Variants in ROBO2 observed in about 807,000 individuals in gnomAD.
ROBO2 encodes the protein roundabout guidance receptor 2.
ROBO2 carries 53 observed loss-of-function variants against 160.8 expected under a neutral mutation model. That is an observed-to-expected ratio of 0.33 (90% CI 0.26 to 0.41). The LOEUF (loss-of-function observed/expected upper bound fraction) is 0.41. Ranked by LOEUF, ROBO2 falls within the 10% of genes least tolerant of loss-of-function variation. The pLI, the probability that ROBO2 is intolerant of heterozygous loss-of-function variation, is 1.00. For synonymous variants in ROBO2, 664 were observed against 611.7 expected, an observed-to-expected ratio of 1.09 and a Z score of -1.26; for missense variants, 1,577 against 1,722.4, an observed-to-expected ratio of 0.92 and a Z score of 1.49.
chr3:75,922,132 T>C (rs530433847), intron 1 of ROBO2, among the ~76,000 whole-genome samples: 1 of 152,256 alleles, frequency 6.6e-6, no homozygotes, highest in South Asian at 2.1e-4. Flanking sequence ...ATGATAAAGA[T>C]AGTGTTTCAA....
chr3:77,609,408 A>C (rs1489787691), intron 21 of ROBO2, among the ~76,000 whole-genome samples: 1 of 152,124 alleles, frequency 6.6e-6, no homozygotes, highest in Non-Finnish European at 1.5e-5. Flanking sequence ...AGAAACCTGC[A>C]TTTTAAAAGC....
intron 2 of ROBO2, among the ~76,000 whole-genome samples, chr3:76,533,809 C>T (rs1384190599): frequency 6.6e-6 from 1 of 152,078 alleles, no homozygotes; most frequent in African/African-American, 2.4e-5. Flanking sequence ...CCATGAGACT[C>T]ACTGTCCAGG....
At chr3:77,235,118 T>G (rs1425761499) in intron 2 of ROBO2, among the ~76,000 whole-genome samples, 1 of 152,198 alleles carries the variant, frequency 6.6e-6, no homozygotes, top group Non-Finnish European at 1.5e-5. Context: ...GAAAAACAAT[T>G]ACTTTTTATT....
chr3:77,612,313 A>G (rs2094662007), intron 21 of ROBO2, among the ~76,000 whole-genome samples: 1 of 152,204 alleles, frequency 6.6e-6, no homozygotes, highest in African/African-American at 2.4e-5. Context: ...CACTTCATAA[A>G]ATTTGTAGAG....
At position 76,428,178 on chromosome 3, in the gene ROBO2, A is replaced by G. The variant is rs192554877; in HGVS notation, c.109+490576A>G. 1.1e-3 allele frequency among the ~76,000 whole-genome samples: 162 copies of G among 152,254 alleles called. 2 individuals carry two copies. The highest frequency in any genetic ancestry group is 9.7e-3 in the Admixed American group (149 of 15,288). On this transcript the variant is annotated intron_variant, in intron 2 of 26. Transcript: ENST00000487694. ...AAATATAGAAGACCTCATAAGTTCC[A>G]TCTGCCCACATACCTGATTTCGAGT...
chr3:76,637,793 A>G (rs2090422234), intron 2 of ROBO2, among the ~76,000 whole-genome samples: 1 of 152,202 alleles, frequency 6.6e-6, no homozygotes, highest in Admixed American at 6.6e-5. Context: ...CTAATCTAGG[A>G]AAGTCTAAGC....
chr3:77,437,163 C>T (rs2079379811), intron 2 of ROBO2, among the ~76,000 whole-genome samples: 1 of 152,012 alleles, frequency 6.6e-6, no homozygotes, highest in African/African-American at 2.4e-5. Context: ...AGTGGAACCA[C>T]CCTGTGGCAA....
chr3:77,410,653 CCT>C (rs2076681914), intron 2 of ROBO2, among the ~76,000 whole-genome samples: 1 of 110,808 alleles, frequency 9.0e-6, no homozygotes, highest in Non-Finnish European at 1.9e-5. Context: ...TCTTTCTCCT[CCT>C]CTTCTTCCTC....
At chr3:77,356,837 A>G (rs1397656891) in intron 2 of ROBO2, among the ~76,000 whole-genome samples, 1 of 152,156 alleles carries the variant, frequency 6.6e-6, no homozygotes, top group East Asian at 1.9e-4. Flanking sequence ...GATCTAGATG[A>G]TTGAAATATG....
At chr3:76,006,147 A>T (rs2066014319) in intron 2 of ROBO2, among the ~76,000 whole-genome samples, 1 of 152,104 alleles carries the variant, frequency 6.6e-6, no homozygotes, top group Admixed American at 6.6e-5. Flanking sequence ...TTTTGAGAGT[A>T]CTATGTTTTC....
rs766728962 is a variant in ROBO2 at position 75,996,124 on chromosome 3, T to C, written c.109+58522T>C. ...ACTTCAGGGGACTGTTGAGAAGGCATGGTTTGTTTTGAAATGTGAGGACAT... is the reference window on the plus strand; with the variant it reads ...ACTTCAGGGGACTGTTGAGAAGGCACGGTTTGTTTTGAAATGTGAGGACAT... On this transcript the variant is annotated intron_variant, in intron 2 of 26. Coordinates refer to the ROBO2 transcript ENST00000487694. Among the ~76,000 whole-genome samples, 38 of 152,246 alleles carry C rather than the reference T, an allele frequency of 2.5e-4. No homozygotes were observed. In the Middle Eastern group the frequency reaches 0.031, roughly 123 times the overall value.
intron 2 of ROBO2, among the ~76,000 whole-genome samples, chr3:77,269,715 T>C (rs2059366257): frequency 6.6e-6 from 1 of 152,182 alleles, no homozygotes; most frequent in African/African-American, 2.4e-5. Context: ...GAGGGACATC[T>C]ATAATATATG....
intron 2 of ROBO2, among the ~76,000 whole-genome samples, chr3:76,871,162 C>T (rs2072008410): frequency 6.6e-6 from 1 of 152,224 alleles, no homozygotes; most frequent in Non-Finnish European, 1.5e-5. Context: ...TTCGTCATCA[C>T]TCACTATTTC....
At chr3:77,263,812 G>C (rs1443958234) in intron 2 of ROBO2, among the ~76,000 whole-genome samples, 1 of 152,042 alleles carries the variant, frequency 6.6e-6, no homozygotes, top group African/African-American at 2.4e-5. Context: ...TTTAAAGTTA[G>C]AATTTCTTAA....
exon 1 of ROBO2, chr3:77,040,543 C>T: frequency 7.9e-6 from 11 of 1,391,296 alleles, no homozygotes; most frequent in Non-Finnish European, 1.0e-5. Flanking sequence ...TTTAGGAAGC[C>T]AGAGTGCTGG....
intron 2 of ROBO2, among the ~76,000 whole-genome samples, chr3:76,584,965 G>C (rs2085942090): frequency 6.6e-6 from 1 of 152,136 alleles, no homozygotes; most frequent in Non-Finnish European, 1.5e-5. Context: ...TCATCATAAG[G>C]CCGTTTTCTC....
intron 2 of ROBO2, among the ~76,000 whole-genome samples, chr3:76,403,399 C>G (rs1559890753): frequency 6.6e-6 from 1 of 151,506 alleles, no homozygotes; most frequent in Non-Finnish European, 1.5e-5. Context: ...TTTTTAAAAA[C>G]CATTTACCAA....
intron 2 of ROBO2, among the ~76,000 whole-genome samples, chr3:77,347,493 G>A (rs4539916): frequency 0.14 from 20,507 of 151,682 alleles, 1,363 homozygotes; most frequent in South Asian, 0.16. Flanking sequence ...AAAAATAGAA[G>A]AATCTATAGT....
At chr3:75,956,879 T>A (rs1948739170) in intron 2 of ROBO2, among the ~76,000 whole-genome samples, 1 of 151,748 alleles carries the variant, frequency 6.6e-6, no homozygotes, top group Non-Finnish European at 1.5e-5. Context: ...GGACAAAGTG[T>A]GTTGATCTTT....
Sources: gnomAD v4.1 joint callset for allele counts (sites outside exome capture counted in the v4.1 genomes callset) on GRCh38, gnomAD v4.1.1 for gene constraint, MANE v1.5 for transcripts, NCBI Gene and HGNC (gene_info 2026-07-23, HGNC 2026-07-21) for gene names.